Variants in RHOBTB1 observed in about 807,000 individuals in gnomAD.
RHOBTB1 encodes the protein Rho related BTB domain containing 1, also known as rho-related BTB domain-containing protein 1.
RHOBTB1 carries 40 observed loss-of-function variants against 71.6 expected under a neutral mutation model. That is an observed-to-expected ratio of 0.56 (90% CI 0.43 to 0.73). RHOBTB1 has a LOEUF of 0.73. RHOBTB1 is among the 30% of genes least tolerant of loss of function. The pLI, the probability that RHOBTB1 is intolerant of heterozygous loss-of-function variation, is 0.00. For missense variants in RHOBTB1, 797 were observed against 894.0 expected, an observed-to-expected ratio of 0.89 and a Z score of 1.38; for synonymous variants, 319 against 334.9, an observed-to-expected ratio of 0.95 and a Z score of 0.52.
chr10:60,912,401 T>G (rs2083040429), intron 2 of RHOBTB1, among the ~76,000 whole-genome samples: 1 of 152,022 alleles, frequency 6.6e-6, no homozygotes, highest in South Asian at 2.1e-4. Context: ...GCCCGGCTAA[T>G]TTTTATATTT....
intron 4 of RHOBTB1, among the ~76,000 whole-genome samples, chr10:60,902,609 A>G (rs1330961152): frequency 1.3e-5 from 2 of 152,148 alleles, no homozygotes; most frequent in African/African-American, 4.8e-5. Flanking sequence ...AAAACAAGGG[A>G]GGATTTGAGG....
chr10:60,971,108 G>A (rs1343764557), intron 2 of RHOBTB1, among the ~76,000 whole-genome samples: 1 of 151,874 alleles, frequency 6.6e-6, no homozygotes, highest in African/African-American at 2.4e-5. Flanking sequence ...ATAATAACAT[G>A]AGCACCTGAA....
chr10:60,960,109 G>A (rs559986553), intron 2 of RHOBTB1, among the ~76,000 whole-genome samples: 3 of 152,132 alleles, frequency 2.0e-5, no homozygotes, highest in Non-Finnish European at 4.4e-5. Context: ...ACTGTAAGAA[G>A]CTTTATAATT....
intron 1 of RHOBTB1, among the ~76,000 whole-genome samples, chr10:60,988,650 G>T (rs752610375): frequency 2.6e-5 from 4 of 152,048 alleles, no homozygotes; most frequent in Non-Finnish European, 5.9e-5. Context: ...TACTTTTATG[G>T]CTACAAAGTA....
intron 2 of RHOBTB1, among the ~76,000 whole-genome samples, chr10:60,937,374 T>G (rs2084652009): frequency 6.6e-6 from 1 of 152,190 alleles, no homozygotes; most frequent in Non-Finnish European, 1.5e-5. Flanking sequence ...CCTCAAATAC[T>G]CAATACTACA....
chr10:60,882,153 T>C (rs1201937298), intron 7 of RHOBTB1, among the ~76,000 whole-genome samples: 3 of 151,458 alleles, frequency 2.0e-5, no homozygotes, highest in East Asian at 3.9e-4. Flanking sequence ...TCATAAATAA[T>C]GGAATCAAAA....
At chr10:60,893,843 G>A (rs989115216) in intron 4 of RHOBTB1, among the ~76,000 whole-genome samples, 4 of 152,150 alleles carry the variant, frequency 2.6e-5, no homozygotes, top group African/African-American at 9.7e-5. Flanking sequence ...TATGGTGTTT[G>A]ATAAATAGCT....
intron 2 of RHOBTB1, among the ~76,000 whole-genome samples, chr10:60,917,956 T>A (rs1301817066): frequency 1.3e-5 from 2 of 152,208 alleles, no homozygotes; most frequent in Admixed American, 1.3e-4. Context: ...GCAGAAGCAA[T>A]TACAAACAAA....
intron 2 of RHOBTB1, among the ~76,000 whole-genome samples, chr10:60,955,691 G>A (rs1446613743): frequency 6.8e-4 from 104 of 152,158 alleles, no homozygotes; most frequent in African/African-American, 2.4e-3. Context: ...CCTTCCCTTA[G>A]TCTAAATTTG....
chr10:60,873,415 T>C (rs2080894887), intron 9 of RHOBTB1, among the ~76,000 whole-genome samples: 1 of 152,122 alleles, frequency 6.6e-6, no homozygotes, highest in Non-Finnish European at 1.5e-5. Context: ...AGCACATCAC[T>C]AGGTTAGGGT....
At chr10:60,867,133 A>G (rs1466821727), downstream of RHOBTB1, among the ~76,000 whole-genome samples, 1 of 152,090 alleles carries the variant, frequency 6.6e-6, no homozygotes, top group Admixed American at 6.6e-5. Context: ...ATCTGTTCCC[A>G]TTTTCTAGAT....
chr10:60,911,026 C>G, intron 3 of RHOBTB1, 36 bp from the exon 4 acceptor site: 1 of 1,557,640 alleles, frequency 6.4e-7, no homozygotes, highest in African/African-American at 1.4e-5. Flanking sequence ...TGCTCGGTGT[C>G]AGTCAGAAGT....
chr10:60,967,425 T>C (rs926144099), intron 2 of RHOBTB1, among the ~76,000 whole-genome samples: 2 of 151,800 alleles, frequency 1.3e-5, no homozygotes, highest in African/African-American at 2.4e-5. Context: ...CCAAAGTAGC[T>C]GGGATTACAG....
chr10:60,893,028 C>T lies in RHOBTB1; in HGVS notation c.297-33G>A, dbSNP rs113526928. ...GAAATCATAAAAGAAGCTTGTATTG[C>T]CTTTTAACAGGTTTTTTCTTTTACC... is the stretch of plus-strand genomic sequence containing the variant. On this transcript the variant is annotated intron_variant, in intron 4 of 10. Coordinates refer to ENST00000337910, the MANE Select transcript of RHOBTB1 (RefSeq NM_014836.5). The T allele has an allele frequency of 9.3e-4, 1,437 of 1,549,068 alleles. 5 individuals are homozygous for T. In the African/African-American group the frequency reaches 0.017, roughly 19 times the overall value.
intron 2 of RHOBTB1, among the ~76,000 whole-genome samples, chr10:60,914,433 T>G (rs2083161690): frequency 1.3e-5 from 2 of 152,210 alleles, no homozygotes; most frequent in Admixed American, 1.3e-4. Flanking sequence ...ATGTCCTCAG[T>G]GGTGGGAAAC....
At chr10:60,875,067 G>T (rs752350551) in intron 8 of RHOBTB1, 25 bp from the exon 9 acceptor site, 1 of 1,595,682 alleles carries the variant, frequency 6.3e-7, no homozygotes, top group Admixed American at 1.7e-5. Flanking sequence ...GGGGGCAGGA[G>T]AACATTAAAC....
intron 1 of RHOBTB1, among the ~76,000 whole-genome samples, chr10:60,987,310 A>T (rs1037604476): frequency 6.6e-6 from 1 of 151,998 alleles, no homozygotes; most frequent in African/African-American, 2.4e-5. Context: ...CAGCAATTTT[A>T]TTCATATCTA....
At chr10:60,871,980 C>T in intron 10 of RHOBTB1, 1 of 632,476 alleles carries the variant, frequency 1.6e-6, no homozygotes, top group Non-Finnish European at 2.8e-6. Flanking sequence ...GCCCACCCAA[C>T]TCCCCTCATC....
intron 1 of RHOBTB1, among the ~76,000 whole-genome samples, chr10:60,992,012 T>C (rs2134972894): frequency 6.6e-6 from 1 of 152,262 alleles, no homozygotes; most frequent in South Asian, 2.1e-4. Flanking sequence ...AGATTATCAA[T>C]AAAGACAACT....
Sources: allele counts gnomAD v4.1 joint callset (sites outside exome capture counted in the v4.1 genomes callset), GRCh38; gene constraint gnomAD v4.1.1; transcripts MANE v1.5; gene names NCBI Gene and HGNC (gene_info 2026-07-23, HGNC 2026-07-21).